NLGN4X: variants seen among roughly 807,000 people sequenced by gnomAD.
NLGN4X encodes neuroligin-4, X-linked.
NLGN4X carries 3 observed loss-of-function variants against 40.3 expected under a neutral mutation model. The observed-to-expected ratio is 0.07, with a 90% confidence interval of 0.03 to 0.19. The LOEUF is 0.19. Among genes scored for constraint, NLGN4X ranks in the 10% least tolerant of loss-of-function variants. The probability of loss-of-function intolerance (pLI) is 1.00; values close to 1 mark genes in which losing one functional copy is unlikely to be tolerated. For missense variants in NLGN4X, 382 were observed against 708.3 expected (o/e 0.54, Z 5.23); for synonymous variants, 270 against 306.8 (o/e 0.88, Z 1.25).
chrX:5,982,750 G>A (rs1055833630), intron 3 of NLGN4X, among the ~76,000 whole-genome samples: 1 of 112,055 alleles, frequency 8.9e-6, no homozygotes, highest in Non-Finnish European at 1.9e-5. Flanking sequence ...CCCAGCTACT[G>A]GGGAGGGTGA....
chrX:5,954,634 G>C lies in NLGN4X; in HGVS notation c.626-45395C>G, dbSNP rs199703170. On this transcript the variant is annotated intron_variant, in intron 3 of 5. Coordinates refer to ENST00000381095, the MANE Select transcript of NLGN4X (RefSeq NM_181332.3). ...TCTGTCTCTGTCTCTCTCTGTCTCT[G>C]TCTCTCTCTCTCTCTCTCTCTCTCT... 1.7e-4 allele frequency among the ~76,000 whole-genome samples: 16 copies of C among 94,894 alleles called. No individual in the cohort carries two copies. The East Asian group carries it at 2.7e-3, about 16-fold the overall frequency. 82.4% of individuals were successfully genotyped at this position (94,894 alleles called of 115,157 possible).
intron 1 of NLGN4X, among the ~76,000 whole-genome samples, chrX:6,157,043 T>G (rs2040283614): frequency 9.1e-6 from 1 of 110,372 alleles, no homozygotes; most frequent in African/African-American, 3.3e-5. Flanking sequence ...GCCAGGTAAT[T>G]GGGAGGCTGA....
chrX:6,133,215 TCATCATCAC>T (rs775773502), intron 2 of NLGN4X, among the ~76,000 whole-genome samples: 2 of 110,889 alleles, frequency 1.8e-5, no homozygotes, highest in African/African-American at 3.3e-5. Flanking sequence ...ATCATAACCA[TCATCATCAC>T]CATCATCATC....
chrX:6,180,866 T>C (rs997906444), intron 1 of NLGN4X, among the ~76,000 whole-genome samples: 7 of 111,298 alleles, frequency 6.3e-5, no homozygotes, highest in African/African-American at 2.3e-4. Flanking sequence ...CATTACCCTT[T>C]AATGTCTTCC....
At chrX:6,154,111 G>GA (rs1479027825) in intron 1 of NLGN4X, among the ~76,000 whole-genome samples, 2 of 112,054 alleles carry the variant, frequency 1.8e-5, no homozygotes, top group African/African-American at 6.5e-5. Context: ...ACAATGTACA[G>GA]TATTTTGCAG....
chrX:6,014,501 C>G (rs1424404799), intron 3 of NLGN4X, among the ~76,000 whole-genome samples: 1 of 111,408 alleles, frequency 9.0e-6, no homozygotes, highest in Non-Finnish European at 1.9e-5. Context: ...CTTGTTTTAG[C>G]AGCAATAGGA....
In NLGN4X at chrX:5,917,124, C is replaced by A. The variant is rs563677035; in HGVS notation, c.626-7885G>T. ...AAATCCCCAAGATCTAGGGCGCCCT[C>A]TGCAGGGCTGCTGGGCGACCATAAA... On this transcript the variant is annotated intron_variant, in intron 3 of 5. Coordinates refer to ENST00000381095, the MANE Select transcript of NLGN4X (RefSeq NM_181332.3). Among the ~76,000 whole-genome samples the A allele has an allele frequency of 7.1e-5, 8 of 112,673 alleles. No individual in the cohort carries two copies. In the South Asian group the frequency reaches 2.9e-3, roughly 41 times the overall value.
At chrX:5,972,104 AACAT>A (rs1196259595) in intron 3 of NLGN4X, among the ~76,000 whole-genome samples, 6 of 109,335 alleles carry the variant, frequency 5.5e-5, no homozygotes, top group Admixed American at 4.8e-4. Context: ...ATGTAAACGT[AACAT>A]ACATACACAC....
chrX:6,177,379 G>A lies in NLGN4X; in HGVS notation c.-305-25608C>T, dbSNP rs533422480. ...TCACCATGTTGGCCAGGGTGGTCTCGAACTCCTGACCTCAAGTGATCCACC... is the reference window on the plus strand; with the variant it reads ...TCACCATGTTGGCCAGGGTGGTCTCAAACTCCTGACCTCAAGTGATCCACC... On this transcript the variant is annotated intron_variant, in intron 1 of 5. Transcript: ENST00000381095. Among the ~76,000 whole-genome samples the A allele has an allele frequency of 1.3e-4, 15 of 111,436 alleles. No individual in the cohort carries two copies. The South Asian group carries it at 5.8e-3, about 43-fold the overall frequency.
chrX:6,021,235 C>G (rs1262914319), intron 3 of NLGN4X, among the ~76,000 whole-genome samples: 2 of 108,238 alleles, frequency 1.8e-5, no homozygotes, highest in Non-Finnish European at 3.8e-5. Context: ...AGCCACTGCA[C>G]CTAGCCTTCC....
Position 5,925,875 on chromosome X carries a change from T to TAC in NLGN4X, c.626-16638_626-16637dup, listed in dbSNP as rs201741503. Among the ~76,000 whole-genome samples, 62 of 14,648 alleles carry TAC rather than the reference T, an allele frequency of 4.2e-3. 3 individuals are homozygous for TAC. The highest frequency in any genetic ancestry group is 0.016 in the East Asian group (9 of 560). 12.7% of individuals were successfully genotyped at this position (14,648 alleles called of 115,157 possible). A position where few individuals can be genotyped will look rare whatever the true frequency, so the allele number is the denominator to read the frequency against. On this transcript the variant is annotated intron_variant, in intron 3 of 5. Coordinates refer to ENST00000381095, the MANE Select transcript of NLGN4X (RefSeq NM_181332.3). ...ACATATATATATATATATATATACATACACACATATATATATATATATATA... is the reference window on the plus strand; with the variant it reads ...ACATATATATATATATATATATACATACACACACATATATATATATATATATA...
At position 6,184,718 on chromosome X, in the gene NLGN4X, C is replaced by CA. The variant is rs1556000326; in HGVS notation, c.-305-32948dup. 2.7e-5 allele frequency among the ~76,000 whole-genome samples: 3 copies of CA among 111,934 alleles called. No homozygotes were observed. The East Asian group carries it at 8.4e-4, about 31-fold the overall frequency. On this transcript the variant is annotated intron_variant, in intron 1 of 5. Transcript: ENST00000381095. ...GGTGAAAACAGAATGCTTCGTTTAC[C>CA]AAAACATGACTAACATAGCCCAGAG... is the stretch of plus-strand genomic sequence containing the variant.
chrX:6,001,243 C>T (rs1277933584), intron 3 of NLGN4X, among the ~76,000 whole-genome samples: 1 of 111,337 alleles, frequency 9.0e-6, no homozygotes, highest in East Asian at 2.8e-4. Flanking sequence ...CAAAGCCAAA[C>T]CATATCACCA....
chrX:6,103,142 G>C (rs1384448132), intron 2 of NLGN4X, among the ~76,000 whole-genome samples: 1 of 112,089 alleles, frequency 8.9e-6, no homozygotes, highest in East Asian at 2.8e-4. Context: ...ATTTGGAAAA[G>C]AGTAGATACT....
chrX:6,157,223 T>C (rs1242789462), intron 1 of NLGN4X, among the ~76,000 whole-genome samples: 1 of 111,768 alleles, frequency 8.9e-6, no homozygotes, highest in African/African-American at 3.3e-5. Context: ...TTTCTGTTCT[T>C]CCACTGAAGT....
At chrX:6,147,928 T>C (rs1430752403) in intron 2 of NLGN4X, among the ~76,000 whole-genome samples, 1 of 112,172 alleles carries the variant, frequency 8.9e-6, no homozygotes, top group East Asian at 2.8e-4. Context: ...GAAATAGTTA[T>C]AAAGACCCAA....
intron 1 of NLGN4X, among the ~76,000 whole-genome samples, chrX:6,176,412 C>G (rs1292381633): frequency 8.9e-6 from 1 of 112,034 alleles, no homozygotes; most frequent in African/African-American, 3.2e-5. Flanking sequence ...ACGGACCCCC[C>G]GGGATGACCA....
chrX:5,999,768 C>A (rs1228024248), intron 3 of NLGN4X, among the ~76,000 whole-genome samples: 1 of 112,213 alleles, frequency 8.9e-6, no homozygotes, highest in Non-Finnish European at 1.9e-5. Flanking sequence ...ACTATTATCG[C>A]TGGCTAGCTC....
intron 2 of NLGN4X, among the ~76,000 whole-genome samples, chrX:6,093,390 A>G (rs1466946661): frequency 8.9e-6 from 1 of 112,420 alleles, no homozygotes; most frequent in East Asian, 2.8e-4. Flanking sequence ...GTCTTGCTTA[A>G]TTTTAGACTT....
Sources: gnomAD v4.1 joint callset for allele counts (sites outside exome capture counted in the v4.1 genomes callset) on GRCh38, gnomAD v4.1.1 for gene constraint, MANE v1.5 for transcripts, NCBI Gene and HGNC (gene_info 2026-07-23, HGNC 2026-07-21) for gene names.